CDK11B: variants seen among roughly 807,000 people sequenced by gnomAD.
CDK11B encodes the protein cyclin-dependent kinase 11B.
A neutral mutation model predicts 84.0 loss-of-function variants in CDK11B; 37 were observed. The ratio of observed to expected loss-of-function variants is 0.44; its 90% CI spans 0.34 to 0.58. CDK11B has a LOEUF of 0.58. CDK11B is among the 20% of genes least tolerant of loss of function. The pLI is 0.02. For missense variants in CDK11B, 427 were observed against 834.0 expected (o/e 0.51, Z 6.01); for synonymous variants, 269 against 309.8 (o/e 0.87, Z 1.38).
chr1:1,636,186 G>C, intron 18 of CDK11B, 60 bp from the exon 19 acceptor site: 2 of 766,534 alleles, frequency 2.6e-6, no homozygotes, highest in South Asian at 1.8e-5. Context: ...GTCCCCCAAA[G>C]ATGGGCTGTG....
intron 11 of CDK11B, among the ~76,000 whole-genome samples, 182 bp from the exon 12 acceptor site, chr1:1,638,772 T>G (rs1167007692): frequency 6.6e-6 from 1 of 152,236 alleles, no homozygotes; most frequent in African/African-American, 2.4e-5. Context: ...CAAAACCATC[T>G]GACACTTTAT....
At chr1:1,653,602 C>T (rs1229581347) in intron 3 of CDK11B, among the ~76,000 whole-genome samples, 1 of 151,812 alleles carries the variant, frequency 6.6e-6, no homozygotes, top group Admixed American at 6.6e-5. Flanking sequence ...ATTACAGGCG[C>T]GAGCTACTGC....
chr1:1,635,433 C>G lies in CDK11B; in HGVS notation c.*331G>C. ...AGCTCCGAAGATTAAACAATCCACC[C>G]GGCTCCCACCAGTTCCTTTCCAAAT... On this transcript the variant is annotated 3_prime_UTR_variant, in exon 20 of 20. Coordinates refer to ENST00000341832, the MANE Select transcript of CDK11B (RefSeq NM_033486.3). 8.4e-6 allele frequency: 1 copy of G among 119,142 alleles called. No individual in the cohort carries two copies. The highest frequency in any genetic ancestry group is 1.1e-4 in the South Asian group (1 of 9,352). 7.4% of individuals were successfully genotyped at this position (119,142 alleles called of 1,614,324 possible).
intron 3 of CDK11B, among the ~76,000 whole-genome samples, chr1:1,653,493 G>C (rs1642284150): frequency 6.6e-6 from 1 of 151,158 alleles, no homozygotes; most frequent in Non-Finnish European, 1.5e-5. Flanking sequence ...GCTAATTTTT[G>C]TATTTGTAGT....
chr1:1,637,397 C>T lies in CDK11B; in HGVS notation c.1570+11G>A, dbSNP rs1639527886. ...CTTGTACGCAGACAGGCCCCTGGGG[C>T]GCGGCTGTACCTGGCAGGAAGGGCT... On this transcript the variant is annotated intron_variant, in intron 14 of 19. Transcript: ENST00000341832. The T allele has an allele frequency of 1.4e-5, 22 of 1,612,288 alleles. No individual in the cohort carries two copies. The highest frequency in any genetic ancestry group is 1.7e-5 in the Non-Finnish European group (20 of 1,179,172).
Position 1,652,581 on chromosome 1 carries a change from A to C in CDK11B, c.228-15T>G. On this transcript the variant is annotated splice_polypyrimidine_tract_variant and intron_variant, in intron 3 of 19. Coordinates refer to ENST00000341832, the MANE Select transcript of CDK11B (RefSeq NM_033486.3). ...CTTCTTCTCCTCTGAAATAAAACAC[A>C]ACAGCACTGCATCATGCTTGAGAAA... 1 of 1,440,732 alleles carries C rather than the reference A, an allele frequency of 6.9e-7. No individual in the cohort carries two copies. Among genetic ancestry groups the C allele is most frequent in the Non-Finnish European group, 9.1e-7 (1 of 1,100,344 alleles). The allele number at this position is 1,440,732 out of a possible 1,614,324, so 89.2% of individuals were successfully genotyped here. A position where few individuals can be genotyped will look rare whatever the true frequency, so the allele number is the denominator to read the frequency against.
intron 5 of CDK11B, among the ~76,000 whole-genome samples, chr1:1,648,664 C>G (rs1010224236): frequency 2.0e-5 from 3 of 152,180 alleles, no homozygotes; most frequent in African/African-American, 7.2e-5. Context: ...CACCGATGTT[C>G]TTTCTTGGGA....
intron 5 of CDK11B, chr1:1,646,073 G>C: frequency 6.8e-6 from 3 of 440,538 alleles, no homozygotes; most frequent in South Asian, 5.0e-5. Flanking sequence ...CATCTGTTTT[G>C]TCTGGTATGA....
At position 1,647,540 on chromosome 1, in the gene CDK11B, G is replaced by A. The variant is rs530564024; in HGVS notation, c.494+1959C>T. Among the ~76,000 whole-genome samples, 60 of 152,366 alleles carry A rather than the reference G, an allele frequency of 3.9e-4. No individual in the cohort carries two copies. In the Middle Eastern group the frequency reaches 0.014, roughly 35 times the overall value. ...AAAAGGCTGGGCTCAAATACCTCGA[G>A]CACAGTAAGGCTTCCTTGGCCCACG... is the stretch of plus-strand genomic sequence containing the variant. On this transcript the variant is annotated intron_variant, in intron 5 of 19. Coordinates refer to ENST00000341832, the MANE Select transcript of CDK11B (RefSeq NM_033486.3).
At chr1:1,655,542 T>G in intron 2 of CDK11B, 58 bp from the exon 3 acceptor site, 1 of 1,495,940 alleles carries the variant, frequency 6.7e-7, no homozygotes, top group Non-Finnish European at 9.0e-7. Context: ...TCTTCATAGA[T>G]AAAAGTATTT....
chr1:1,651,033 T>C (rs1420219105), intron 4 of CDK11B, among the ~76,000 whole-genome samples: 17 of 152,184 alleles, frequency 1.1e-4, no homozygotes, highest in Admixed American at 3.9e-4. Flanking sequence ...TCAGTGGGCT[T>C]CTCCACTGTG....
intron 3 of CDK11B, among the ~76,000 whole-genome samples, chr1:1,653,864 C>CACACA (rs1642367687): frequency 1.8e-5 from 1 of 54,314 alleles, no homozygotes; most frequent in Non-Finnish European, 3.7e-5. Context: ...ACACACACAC[C>CACACA]CGAGCGTGGT....
chr1:1,637,356 C>T (rs1458866405), intron 14 of CDK11B, 52 bp downstream of exon 14: 17 of 1,593,450 alleles, frequency 1.1e-5, no homozygotes, highest in Non-Finnish European at 1.4e-5. Context: ...CGGGGGTGAC[C>T]AGGACCCTGC....
rs1241736944 is a variant in CDK11B, at chr1:1,635,665, G to A, written c.*99C>T. 13 of 311,308 alleles carry A rather than the reference G, an allele frequency of 4.2e-5. 1 individual carries two copies. The highest frequency in any genetic ancestry group is 7.2e-5 in the African/African-American group (1 of 13,960). The allele number at this position is 311,308 out of a possible 1,614,324, so 19.3% of individuals were successfully genotyped here. A position where few individuals can be genotyped will look rare whatever the true frequency, so the allele number is the denominator to read the frequency against. ...ACAAAAACAAAACATGGAGCACAAA[G>A]TAAGACGAGGAGTTCCGAGTCTCAT... On this transcript the variant is annotated 3_prime_UTR_variant, in exon 20 of 20. Transcript: ENST00000341832.
intron 5 of CDK11B, 106 bp from the exon 6 acceptor site, chr1:1,645,368 TTTTTCATTTTTTTA>T (rs1368627854): frequency 6.9e-7 from 1 of 1,459,316 alleles, no homozygotes; most frequent in African/African-American, 1.5e-5. Context: ...GTGAAGTTTT[TTTTTCATTTTTTTA>T]TTTTATTTTC....
At chr1:1,650,827 T>C (rs1260294799) in intron 4 of CDK11B, among the ~76,000 whole-genome samples, 4 of 151,834 alleles carry the variant, frequency 2.6e-5, no homozygotes, top group African/African-American at 9.7e-5. Flanking sequence ...ATAAAAAACT[T>C]TGAAAATAAA....
chr1:1,646,055 TTTC>T (rs1314035278), intron 5 of CDK11B: 2 of 459,566 alleles, frequency 4.4e-6, no homozygotes, highest in African/African-American at 4.1e-5. Context: ...GTTTCTAATA[TTTC>T]TTAACATCTG....
At position 1,657,422 on chromosome 1, in the gene CDK11B, G is replaced by A; in HGVS notation, c.64C>T (p.Arg22Ter). 6.4e-7 allele frequency: 1 copy of A among 1,564,518 alleles called. No homozygotes were observed. The highest frequency in any genetic ancestry group is 2.3e-5 in the East Asian group (1 of 42,840). Residue 22 changes from arginine (R) to a stop codon, truncating the protein, a stop_gained, in exon 2 of 20, where the codon CGA (arginine) becomes TGA (stop). Coordinates refer to ENST00000341832, the MANE Select transcript of CDK11B (RefSeq NM_033486.3). LOFTEE classifies it high-confidence loss of function. ...TLDEILQEKK[R>*]RKEQEEKAEI... ...GCTTTCTCCTCTTGTTCCTTCCTTC[G>A]TTTCTTTTCCTGAAGAATTTCATCT... is the stretch of plus-strand genomic sequence containing the variant.
At position 1,637,166 on chromosome 1, in the gene CDK11B, C is replaced by G. The variant is rs1394679088; in HGVS notation, c.1607G>C (p.Gly536Ala). ...CCAGTTGTCGTGCAGGTGTTTCACC[C>G]CACGCAGCAGCTGGATCATCAGGGT... ...VKTLMIQLLR[G>A]VKHLHDNWIL... The change falls in exon 15 of 20, where the codon GGG becomes GCG. Residue 536 changes from glycine (G) to alanine (A), a missense_variant. Physicochemically the swap from Gly to Ala is moderately conservative, Grantham distance 60. Around this residue, in one of 12 missense-constraint regions of CDK11B, gnomAD observed 19 missense variants for 22.5 expected, o/e 0.85. Coordinates refer to ENST00000341832, the MANE Select transcript of CDK11B (RefSeq NM_033486.3). 2 of 1,613,604 alleles carry G rather than the reference C, an allele frequency of 1.2e-6. No individual in the cohort carries two copies. The highest frequency in any genetic ancestry group is 1.7e-6 in the Non-Finnish European group (2 of 1,179,866).
Sources: gnomAD v4.1 joint callset for allele counts (sites outside exome capture counted in the v4.1 genomes callset) on GRCh38, gnomAD v4.1.1 for gene constraint, gnomAD v4.1.1 regional missense constraint, MANE v1.5 for transcripts, NCBI Gene and HGNC (gene_info 2026-07-23, HGNC 2026-07-21) for gene names.